Variants in STARD10 observed in about 807,000 individuals in gnomAD.
The protein encoded by STARD10 is START domain-containing protein 10.
Under a neutral mutation model 36.0 loss-of-function variants are expected in STARD10, and 24 were observed. The ratio of observed to expected loss-of-function variants is 0.67; its 90% CI spans 0.48 to 0.94. The LOEUF (loss-of-function observed/expected upper bound fraction) is 0.94, where lower values mean the gene tolerates loss of function less well. STARD10 is among the 40% of genes least tolerant of loss of function. The pLI is 0.00. For synonymous variants in STARD10, 156 were observed against 161.9 expected, an observed-to-expected ratio of 0.96 and a Z score of 0.28; for missense variants, 335 against 396.6, an observed-to-expected ratio of 0.84 and a Z score of 1.32.
At chr11:72,759,412 C>T in intron 2 of STARD10, 31 bp from the exon 3 acceptor site, 1 of 1,613,116 alleles carries the variant, frequency 6.2e-7, no homozygotes, top group Non-Finnish European at 8.5e-7. Context: ...TTGTCAGGAT[C>T]ATATGGGGCT....
chr11:72,754,887 G>A lies in STARD10; in HGVS notation c.*10C>T, dbSNP rs1322344310. The A allele has an allele frequency of 1.9e-6, 3 of 1,593,584 alleles. No individual in the cohort carries two copies. Among genetic ancestry groups the A allele is most frequent in the Admixed American group, 1.7e-5 (1 of 59,660 alleles). On this transcript the variant is annotated 3_prime_UTR_variant, in exon 7 of 7. Transcript: ENST00000334805. Reference sequence around the variant, plus strand: ...CCGGTCCTGTCTCCGTCCCTGAAGCGGTGCGGCGCTCAGGTGAGCGAGGTG... The same window carrying A: ...CCGGTCCTGTCTCCGTCCCTGAAGCAGTGCGGCGCTCAGGTGAGCGAGGTG...
chr11:72,777,235 C>T (rs962300213), intron 2 of STARD10, among the ~76,000 whole-genome samples: 1 of 152,268 alleles, frequency 6.6e-6, no homozygotes, highest in Non-Finnish European at 1.5e-5. Flanking sequence ...GAACAGAGCA[C>T]GTGAGCATCC....
chr11:72,791,763 G>A (rs1442186593), intron 1 of STARD10, among the ~76,000 whole-genome samples: 1 of 151,808 alleles, frequency 6.6e-6, no homozygotes, highest in Admixed American at 6.6e-5. Context: ...CTGAAAAACA[G>A]AAATGATAAG....
intron 4 of STARD10, among the ~76,000 whole-genome samples, chr11:72,758,187 T>G (rs1015683400): frequency 6.6e-6 from 1 of 152,194 alleles, no homozygotes; most frequent in African/African-American, 2.4e-5. Context: ...CAGCTATACC[T>G]GCCTGTCCTT....
At chr11:72,786,274 C>A (rs888550111) in intron 1 of STARD10, among the ~76,000 whole-genome samples, 2 of 152,074 alleles carry the variant, frequency 1.3e-5, no homozygotes, top group Admixed American at 1.3e-4. Flanking sequence ...ATGGCTTGAG[C>A]CCGGGAGATC....
rs775994344 is a variant in STARD10 at position 72,781,130 on chromosome 11, C to T, written c.52G>A (p.Gly18Ser). ...TCGGGCACCTGGACACTCTCACGGC[C>T]CAGGACCGGCCGAGGCCCTTGGGGC... is the stretch of plus-strand genomic sequence containing the variant. Reference protein sequence around the residue: ...TEPQGPRPVLGRESVQVPDDQ... With the variant: ...TEPQGPRPVLSRESVQVPDDQ... Residue 18 changes from glycine (G) to serine (S), a missense_variant, in exon 2 of 7, where the codon GGC becomes AGC. Transcript: ENST00000334805. This position sits in a 1 kb window ranked among gnomAD's most constrained non-coding sequence, Gnocchi z 4.7. The T allele has an allele frequency of 2.5e-6, 4 of 1,613,374 alleles. No homozygotes were observed. The Admixed American group carries it at 5.0e-5, about 20-fold the overall frequency.
chr11:72,788,724 G>A (rs182278074), intron 1 of STARD10, among the ~76,000 whole-genome samples: 11 of 151,926 alleles, frequency 7.2e-5, no homozygotes, highest in African/African-American at 2.4e-4. Context: ...CACCACGCCC[G>A]GCTAATTTTT....
chr11:72,784,276 A>T (rs1859044475), intron 1 of STARD10, among the ~76,000 whole-genome samples: 1 of 152,164 alleles, frequency 6.6e-6, no homozygotes. Context: ...GAGTCTGGGG[A>T]GGACCCACAA....
At chr11:72,758,374 G>A (rs1476886801) in intron 4 of STARD10, among the ~76,000 whole-genome samples, 156 bp downstream of exon 4, 1 of 152,244 alleles carries the variant, frequency 6.6e-6, no homozygotes, top group Non-Finnish European at 1.5e-5. Context: ...ACCCAGCAGG[G>A]AGAGAGGAGC....
chr11:72,787,609 C>A (rs1021499213), intron 1 of STARD10, among the ~76,000 whole-genome samples: 1 of 152,258 alleles, frequency 6.6e-6, no homozygotes, highest in African/African-American at 2.4e-5. Context: ...GACACTGGCG[C>A]CTGCCAGGAA....
chr11:72,787,591 G>A (rs1028332658), intron 1 of STARD10, among the ~76,000 whole-genome samples: 9 of 152,272 alleles, frequency 5.9e-5, no homozygotes, highest in African/African-American at 1.7e-4. Context: ...CGCTGTCGAT[G>A]TCTATTGGAC....
chr11:72,774,725 A>G (rs1321338011), intron 2 of STARD10, among the ~76,000 whole-genome samples: 1 of 152,228 alleles, frequency 6.6e-6, no homozygotes, highest in East Asian at 1.9e-4. Flanking sequence ...CACCCAGGCC[A>G]GGTCTCCTGC....
intron 4 of STARD10, 33 bp from the exon 5 acceptor site, chr11:72,757,917 G>A (rs751341367): frequency 3.5e-5 from 55 of 1,589,906 alleles, no homozygotes; most frequent in Non-Finnish European, 4.1e-5. Context: ...GGTGAGACTC[G>A]GGGTGGGGGC....
At chr11:72,761,576 C>T (rs1176677277) in intron 2 of STARD10, among the ~76,000 whole-genome samples, 1 of 152,064 alleles carries the variant, frequency 6.6e-6, no homozygotes, top group Non-Finnish European at 1.5e-5. Flanking sequence ...GGCCAACCAT[C>T]TCTACCAAAA....
At chr11:72,755,944 C>G in intron 5 of STARD10, 191 bp from the exon 6 acceptor site, 1 of 540,612 alleles carries the variant, frequency 1.8e-6, no homozygotes, top group Non-Finnish European at 3.3e-6. Flanking sequence ...TCAGGCTTAG[C>G]TCTGTCCCCC....
At chr11:72,780,596 G>A (rs1384867161) in intron 2 of STARD10, 1 of 366,788 alleles carries the variant, frequency 2.7e-6, no homozygotes, top group African/African-American at 2.1e-5. Context: ...AGGGAGAGAA[G>A]GGCCCAGTCT....
rs1858995680 is a variant in STARD10, at chr11:72,781,387, G to A, written c.-113-93C>T. On this transcript the variant is annotated intron_variant, in intron 1 of 6. Coordinates refer to ENST00000334805, the MANE Select transcript of STARD10 (RefSeq NM_006645.3). This position sits in a 1 kb window ranked among gnomAD's most constrained non-coding sequence, Gnocchi z 4.7. Reference sequence around the variant, plus strand: ...GCGGGTGGGGAGCTGGAGAGAGGTAGGGGCTGGCCCCAGGGAAGGGCGGAC... The same window carrying A: ...GCGGGTGGGGAGCTGGAGAGAGGTAAGGGCTGGCCCCAGGGAAGGGCGGAC... 1.7e-6 allele frequency: 1 copy of A among 585,840 alleles called. No homozygotes were observed. The highest frequency in any genetic ancestry group is 1.9e-5 in the African/African-American group (1 of 53,498). The allele number at this position is 585,840 out of a possible 1,614,324, so 36.3% of individuals were successfully genotyped here.
intron 2 of STARD10, among the ~76,000 whole-genome samples, chr11:72,767,945 GCAA>G (rs1858813139): frequency 6.6e-6 from 1 of 152,164 alleles, no homozygotes; most frequent in African/African-American, 2.4e-5. Flanking sequence ...CCAGGCCCCA[GCAA>G]CTTTCCCTGA....
chr11:72,758,607 G>C lies in STARD10; in HGVS notation c.382C>G (p.Arg128Gly), dbSNP rs201289203. The change falls in exon 4 of 7, where the codon CGT (arginine) becomes GGT (glycine). Residue 128 changes from arginine (R) to glycine (G), a missense_variant. By Grantham distance (125) the Arg-to-Gly change is moderately radical (BLOSUM62 -2). Transcript: ENST00000334805. ...SWRCPKPLKN[R>G]DVITLRSWLP... ...CAGGAGCGGAGGGTGATGACATCAC[G>C]GTTCTTCAGGGGCTTGGGACACCTC... is the stretch of plus-strand genomic sequence containing the variant. 1.2e-6 allele frequency: 2 copies of C among 1,613,804 alleles called. No individual in the cohort carries two copies. Among genetic ancestry groups the C allele is most frequent in the Non-Finnish European group, 1.7e-6 (2 of 1,179,936 alleles).
Sources: allele counts gnomAD v4.1 joint callset (sites outside exome capture counted in the v4.1 genomes callset), GRCh38; gene constraint gnomAD v4.1.1; non-coding constraint Gnocchi (gnomAD v3.1); transcripts MANE v1.5; gene names NCBI Gene and HGNC (gene_info 2026-07-23, HGNC 2026-07-21).